Variants in ADAMTSL1 observed in about 807,000 individuals in gnomAD.
The protein encoded by ADAMTSL1 is ADAMTS like 1.
In ADAMTSL1, 126 loss-of-function variants were observed where a neutral mutation model predicts 201.8. That is an observed-to-expected ratio of 0.62 (90% CI 0.54 to 0.72). The LOEUF (loss-of-function observed/expected upper bound fraction) is 0.72, where lower values mean the gene tolerates loss of function less well. ADAMTSL1 is among the 30% of genes least tolerant of loss of function. The probability of loss-of-function intolerance (pLI) is 0.00; values close to 1 mark genes in which losing one functional copy is unlikely to be tolerated. For missense variants in ADAMTSL1, 2,679 were observed against 2,277.8 expected (o/e 1.18, Z -3.59); for synonymous variants, 1,121 against 903.4 (o/e 1.24, Z -4.32).
chr9:18,531,750 C>T (rs7863071), intron 2 of ADAMTSL1, among the ~76,000 whole-genome samples: 85,850 of 151,964 alleles, frequency 0.56, 24,558 homozygotes, highest in East Asian at 0.79. Flanking sequence ...GTATTCTTCA[C>T]AGTAATTTCA....
intron 2 of ADAMTSL1, among the ~76,000 whole-genome samples, chr9:18,179,843 C>G (rs1209779587): frequency 7.2e-5 from 11 of 151,856 alleles, no homozygotes; most frequent in African/African-American, 2.7e-4. Flanking sequence ...TTTGTCACCA[C>G]CAGGCCTGCC....
chr9:18,189,000 C>G (rs1828859112), intron 2 of ADAMTSL1, among the ~76,000 whole-genome samples: 1 of 152,150 alleles, frequency 6.6e-6, no homozygotes, highest in Non-Finnish European at 1.5e-5. Flanking sequence ...CTCTTTATCG[C>G]TGTACAGGTT....
intron 4 of ADAMTSL1, among the ~76,000 whole-genome samples, chr9:18,606,510 C>T (rs1187609573): frequency 6.6e-6 from 1 of 152,178 alleles, no homozygotes; most frequent in Non-Finnish European, 1.5e-5. Flanking sequence ...TGTGGTGCTG[C>T]CTGACCTCTT....
intron 1 of ADAMTSL1, among the ~76,000 whole-genome samples, chr9:17,933,464 C>T (rs967973449): frequency 5.9e-5 from 9 of 152,148 alleles, no homozygotes; most frequent in African/African-American, 1.9e-4. Context: ...GTCTACCACA[C>T]CCATGGATGG....
intron 2 of ADAMTSL1, among the ~76,000 whole-genome samples, chr9:18,445,054 T>C (rs1029012788): frequency 6.6e-6 from 1 of 152,132 alleles, no homozygotes; most frequent in Non-Finnish European, 1.5e-5. Context: ...CCCAGTCAGT[T>C]GAACTCCAAA....
chr9:17,957,109 G>C (rs1021963589), intron 1 of ADAMTSL1, among the ~76,000 whole-genome samples: 1 of 152,106 alleles, frequency 6.6e-6, no homozygotes, highest in Admixed American at 6.6e-5. Flanking sequence ...TTTTAAATAA[G>C]AAAACTGATA....
chr9:18,197,929 A>G (rs1351342291), intron 2 of ADAMTSL1, among the ~76,000 whole-genome samples: 1 of 152,070 alleles, frequency 6.6e-6, no homozygotes, highest in Admixed American at 6.6e-5. Flanking sequence ...AATGGAACAG[A>G]ACAGAGCCCT....
At chr9:18,154,259 T>A (rs1296668718) in intron 1 of ADAMTSL1, among the ~76,000 whole-genome samples, 2 of 152,068 alleles carry the variant, frequency 1.3e-5, no homozygotes, top group African/African-American at 4.8e-5. Flanking sequence ...CGTAGTGGTT[T>A]AAAACAGTAT....
At chr9:18,576,652 C>T (rs899999049) in intron 4 of ADAMTSL1, among the ~76,000 whole-genome samples, 1 of 152,034 alleles carries the variant, frequency 6.6e-6, no homozygotes, top group Non-Finnish European at 1.5e-5. Context: ...CCTGAGATCA[C>T]GAATAATTTG....
chr9:18,657,480 G>T, intron 7 of ADAMTSL1, 159 bp from the exon 8 acceptor site: 2 of 589,762 alleles, frequency 3.4e-6, no homozygotes, highest in East Asian at 2.8e-5. Flanking sequence ...CTGGTAAAAT[G>T]GTAGGATACA....
chr9:18,813,962 C>T (rs188666553), intron 20 of ADAMTSL1, among the ~76,000 whole-genome samples: 5 of 152,228 alleles, frequency 3.3e-5, no homozygotes, highest in African/African-American at 1.2e-4. Flanking sequence ...CATATATGGC[C>T]TTTATATTCC....
intron 2 of ADAMTSL1, among the ~76,000 whole-genome samples, chr9:18,426,429 G>A (rs1364490011): frequency 6.6e-6 from 1 of 152,176 alleles, no homozygotes; most frequent in Non-Finnish European, 1.5e-5. Context: ...ATGGTCAAAT[G>A]TGTAAGAGGT....
chr9:17,974,286 G>A (rs904056131), intron 1 of ADAMTSL1, among the ~76,000 whole-genome samples: 2 of 151,934 alleles, frequency 1.3e-5, no homozygotes, highest in Non-Finnish European at 2.9e-5. Context: ...TATTCAATGA[G>A]GAAAAGAGGA....
intron 3 of ADAMTSL1, among the ~76,000 whole-genome samples, chr9:18,543,378 A>G (rs767567210): frequency 1.3e-5 from 2 of 152,286 alleles, no homozygotes; most frequent in Middle Eastern, 3.4e-3. Context: ...TAGATAACAA[A>G]GGGAAACAAT....
chr9:18,850,635 C>G (rs1004759011), intron 23 of ADAMTSL1, among the ~76,000 whole-genome samples: 1 of 152,184 alleles, frequency 6.6e-6, no homozygotes, highest in Non-Finnish European at 1.5e-5. Flanking sequence ...AATAAAGGCT[C>G]TTGGCCCTGC....
At chr9:18,445,870 G>A (rs568616464) in intron 2 of ADAMTSL1, among the ~76,000 whole-genome samples, 1 of 152,212 alleles carries the variant, frequency 6.6e-6, no homozygotes, top group Non-Finnish European at 1.5e-5. Context: ...ATTATAAGGA[G>A]CTAGTAGTGA....
chr9:18,537,401 G>C (rs917369792), intron 3 of ADAMTSL1, among the ~76,000 whole-genome samples: 2 of 152,180 alleles, frequency 1.3e-5, no homozygotes, highest in Non-Finnish European at 2.9e-5. Context: ...TGCAAAGGCT[G>C]TGAAGTACAA....
chr9:17,966,493 C>T (rs1284468208), intron 1 of ADAMTSL1, among the ~76,000 whole-genome samples: 1 of 152,148 alleles, frequency 6.6e-6, no homozygotes, highest in Non-Finnish European at 1.5e-5. Context: ...ACCATTCTGC[C>T]CTTTATAGTA....
At chr9:18,459,370 C>T (rs959859565) in intron 2 of ADAMTSL1, among the ~76,000 whole-genome samples, 6 of 152,268 alleles carry the variant, frequency 3.9e-5, no homozygotes, top group African/African-American at 4.8e-5. Context: ...GTACCACTCT[C>T]GATCCTAGTT....
Sources: gnomAD v4.1 joint callset for allele counts (sites outside exome capture counted in the v4.1 genomes callset) on GRCh38, gnomAD v4.1.1 for gene constraint, MANE v1.5 for transcripts, NCBI Gene and HGNC (gene_info 2026-07-23, HGNC 2026-07-21) for gene names.